ACVR2B: variants seen among roughly 807,000 people sequenced by gnomAD.
ACVR2B encodes the protein activin receptor type-2B.
Under a neutral mutation model 65.1 loss-of-function variants are expected in ACVR2B, and 18 were observed. That is an observed-to-expected ratio of 0.28 (90% CI 0.19 to 0.41). The LOEUF is 0.41. ACVR2B is among the 10% of genes least tolerant of loss of function. ACVR2B has a pLI of 1.00. For synonymous variants in ACVR2B, 298 were observed against 277.7 expected (o/e 1.07, Z -0.73); for missense variants, 482 against 682.7 (o/e 0.71, Z 3.28).
rs1173225884 is a variant in ACVR2B, at chr3:38,489,082, T to C, written c.*5750T>C. On this transcript the variant is annotated 3_prime_UTR_variant, in exon 11 of 11. Transcript: ENST00000352511. ...TCAGGCAGGTGAGGATGGGTCTTCT[T>C]GCAAATGCATGAGTTCTGTCTTGAG... 1.3e-5 allele frequency: 2 copies of C among 152,444 alleles called. No individual in the cohort carries two copies. The highest frequency in any genetic ancestry group is 2.9e-5 in the Non-Finnish European group (2 of 68,046). 9.4% of individuals were successfully genotyped at this position (152,444 alleles called of 1,614,324 possible).
chr3:38,476,387 A>G (rs1356090378), intron 1 of ACVR2B: 2 of 152,062 alleles, frequency 1.3e-5, no homozygotes, highest in Admixed American at 6.6e-5. Flanking sequence ...TAGCCAGGAG[A>G]ATGATCTGTG....
At chr3:38,455,566 C>T (rs530608148) in intron 1 of ACVR2B, among the ~76,000 whole-genome samples, 15 of 151,824 alleles carry the variant, frequency 9.9e-5, no homozygotes, top group African/African-American at 3.6e-4. Flanking sequence ...GTTCTACCTT[C>T]TCCTGTGCGT....
At position 38,486,413 on chromosome 3, in the gene ACVR2B, G is replaced by A. The variant is rs939223555; in HGVS notation, c.*3081G>A. 5 of 152,270 alleles carry A rather than the reference G, an allele frequency of 3.3e-5. No homozygotes were observed. The highest frequency in any genetic ancestry group is 1.2e-4 in the African/African-American group (5 of 41,432). 9.4% of individuals were successfully genotyped at this position (152,270 alleles called of 1,614,324 possible). Reference sequence around the variant, plus strand: ...GGAGCACAGATGGGCCTTTTGCCCCGGGTAAATGCTTGTCTGTTTGCTGTC... The same window carrying A: ...GGAGCACAGATGGGCCTTTTGCCCCAGGTAAATGCTTGTCTGTTTGCTGTC... On this transcript the variant is annotated 3_prime_UTR_variant, in exon 11 of 11. Coordinates refer to ENST00000352511, the MANE Select transcript of ACVR2B (RefSeq NM_001106.4).
In ACVR2B at chr3:38,491,414, T is replaced by C. The variant is rs2059809287; in HGVS notation, c.*8082T>C. 1 of 152,684 alleles carries C rather than the reference T, an allele frequency of 6.5e-6. No homozygotes were observed. The highest frequency in any genetic ancestry group is 2.4e-5 in the African/African-American group (1 of 41,448). 9.5% of individuals were successfully genotyped at this position (152,684 alleles called of 1,614,324 possible). ...CCCAGTGAGGGTCCCAAGTCAGTCA[T>C]CTTAAGTGTTTGTTCTCTGCCCCAT... On this transcript the variant is annotated 3_prime_UTR_variant, in exon 11 of 11. Transcript: ENST00000352511.
rs1559659608 is a variant in ACVR2B, at chr3:38,487,446, C to T, written c.*4114C>T. ...TGTAGTTGGGCTCTGTCACCTTTCT[C>T]TTCAGTTGGCCACATTCTCGTTTCC... On this transcript the variant is annotated 3_prime_UTR_variant, in exon 11 of 11. Coordinates refer to ENST00000352511, the MANE Select transcript of ACVR2B (RefSeq NM_001106.4). 1.3e-5 allele frequency: 2 copies of T among 152,332 alleles called. No homozygotes were observed. The highest frequency in any genetic ancestry group is 1.3e-4 in the Admixed American group (2 of 15,286). The allele number at this position is 152,332 out of a possible 1,614,324, so 9.4% of individuals were successfully genotyped here.
chr3:38,465,986 C>T (rs1450925416), intron 1 of ACVR2B, among the ~76,000 whole-genome samples: 1 of 152,126 alleles, frequency 6.6e-6, no homozygotes, highest in South Asian at 2.1e-4. Flanking sequence ...CAGTGGAAGC[C>T]AGAAGATAAT....
At chr3:38,474,504 T>C (rs1319232958) in intron 1 of ACVR2B, 1 of 152,252 alleles carries the variant, frequency 6.6e-6, no homozygotes, top group Non-Finnish European at 1.5e-5. Flanking sequence ...CACCCATCCA[T>C]CTATGATGTG....
Position 38,477,624 on chromosome 3 carries a change from T to C in ACVR2B, c.260+130T>C. On this transcript the variant is annotated intron_variant, in intron 2 of 10. Coordinates refer to ENST00000352511, the MANE Select transcript of ACVR2B (RefSeq NM_001106.4). This position sits in a 1 kb window ranked among gnomAD's most constrained non-coding sequence, Gnocchi z 6.7. ...GAAGGGGCTCTTGAGATGGTAGCCA[T>C]GGCCCCACGCCCTTCCACACCCTAT... 2.5e-6 allele frequency: 3 copies of C among 1,193,452 alleles called. No homozygotes were observed. Among genetic ancestry groups the C allele is most frequent in the Non-Finnish European group, 3.7e-6 (3 of 821,228 alleles). 73.9% of individuals were successfully genotyped at this position (1,193,452 alleles called of 1,614,324 possible).
intron 1 of ACVR2B, chr3:38,459,524 G>C (rs1709605845): frequency 3.1e-6 from 3 of 954,118 alleles, no homozygotes; most frequent in Non-Finnish European, 3.7e-6. Flanking sequence ...CAGGAGCTAA[G>C]GCTAGCCCTG....
chr3:38,479,540 C>A, intron 6 of ACVR2B, 138 bp from the exon 7 acceptor site: 1 of 1,133,446 alleles, frequency 8.8e-7, no homozygotes, highest in Non-Finnish European at 1.3e-6. Flanking sequence ...TGGCCTCATC[C>A]ATCTTCCATA....
At chr3:38,459,877 G>C (rs1709613228) in intron 1 of ACVR2B, among the ~76,000 whole-genome samples, 1 of 152,160 alleles carries the variant, frequency 6.6e-6, no homozygotes, top group African/African-American at 2.4e-5. Flanking sequence ...CAGGCTGGCA[G>C]CCCCCTGTGG....
At chr3:38,474,408 G>C (rs1034675603) in intron 1 of ACVR2B, 1 of 152,418 alleles carries the variant, frequency 6.6e-6, no homozygotes, top group African/African-American at 2.4e-5. Flanking sequence ...GGCTTGGGCT[G>C]CAGGCTGAGG....
rs1559657029 is a variant in ACVR2B at position 38,483,929 on chromosome 3, A to G, written c.*597A>G. 6.5e-6 allele frequency: 1 copy of G among 153,304 alleles called. No homozygotes were observed. The highest frequency in any genetic ancestry group is 1.9e-4 in the East Asian group (1 of 5,212). The allele number at this position is 153,304 out of a possible 1,614,324, so 9.5% of individuals were successfully genotyped here. A position where few individuals can be genotyped will look rare whatever the true frequency, so the allele number is the denominator to read the frequency against. ...CTAACGGGTGTTGTCCTGATCGAGA[A>G]AAAAACTGGGATGAGAATGGTTTGG... On this transcript the variant is annotated 3_prime_UTR_variant, in exon 11 of 11. Coordinates refer to ENST00000352511, the MANE Select transcript of ACVR2B (RefSeq NM_001106.4). This position sits in a 1 kb window ranked among gnomAD's most constrained non-coding sequence, Gnocchi z 4.8.
At chr3:38,465,571 A>T (rs1024785819) in intron 1 of ACVR2B, among the ~76,000 whole-genome samples, 1 of 152,168 alleles carries the variant, frequency 6.6e-6, no homozygotes, top group African/African-American at 2.4e-5. Context: ...GATTAGGTGA[A>T]ACTGTATAGA....
rs200886616 is a variant in ACVR2B, at chr3:38,477,535, G to A, written c.260+41G>A. ...CCCTCCTTTCCTCTTGGACCCACCTGCGCTTATACTGCCCACTGGGCCATT... is the reference window on the plus strand; with the variant it reads ...CCCTCCTTTCCTCTTGGACCCACCTACGCTTATACTGCCCACTGGGCCATT... On this transcript the variant is annotated intron_variant, in intron 2 of 10. Transcript: ENST00000352511. The surrounding 1 kb of genome is among the most constrained non-coding windows in gnomAD (Gnocchi z 6.7). The A allele has an allele frequency of 1.3e-6, 2 of 1,597,758 alleles. No homozygotes were observed. The highest frequency in any genetic ancestry group is 1.7e-5 in the Admixed American group (1 of 58,004).
rs1161427381 is a variant in ACVR2B, at chr3:38,489,258, C to T, written c.*5926C>T. 2 of 152,576 alleles carry T rather than the reference C, an allele frequency of 1.3e-5. No homozygotes were observed. The highest frequency in any genetic ancestry group is 4.8e-5 in the African/African-American group (2 of 41,414). The allele number at this position is 152,576 out of a possible 1,614,324, so 9.5% of individuals were successfully genotyped here. A position where few individuals can be genotyped will look rare whatever the true frequency, so the allele number is the denominator to read the frequency against. ...CTTTACTTTAAAAAAATCGATAGTT[C>T]TACATATATATTTAGTTATATCACT... is the stretch of plus-strand genomic sequence containing the variant. On this transcript the variant is annotated 3_prime_UTR_variant, in exon 11 of 11. Coordinates refer to ENST00000352511, the MANE Select transcript of ACVR2B (RefSeq NM_001106.4).
intron 1 of ACVR2B, among the ~76,000 whole-genome samples, chr3:38,471,558 A>G (rs1226010209): frequency 6.6e-6 from 1 of 152,210 alleles, no homozygotes; most frequent in Non-Finnish European, 1.5e-5. Context: ...CATTGCTGAG[A>G]TCAACAAACA....
In ACVR2B at chr3:38,483,276, T is replaced by C; in HGVS notation, c.1483T>C (p.Ser495Pro). The C allele has an allele frequency of 1.2e-6, 2 of 1,614,026 alleles. No individual in the cohort carries two copies. The highest frequency in any genetic ancestry group is 2.2e-5 in the South Asian group (2 of 91,070). ...VNGTTSDCLV[S>P]LVTSVTNVDL... ...CGGCACTACCTCGGACTGTCTCGTT[T>C]CCCTGGTGACCTCTGTCACCAATGT... Residue 495 changes from serine (S) to proline (P), a missense_variant, in exon 11 of 11, where the codon TCC (serine) becomes CCC (proline). Physicochemically the swap from Ser to Pro is moderately conservative, Grantham distance 74. This residue lies in a region of ACVR2B where 38 missense variants were observed against 29.3 expected (regional missense o/e 1.30). Coordinates refer to ENST00000352511, the MANE Select transcript of ACVR2B (RefSeq NM_001106.4). The surrounding 1 kb of genome is among the most constrained non-coding windows in gnomAD (Gnocchi z 4.8).
intron 10 of ACVR2B, among the ~76,000 whole-genome samples, 171 bp downstream of exon 10, chr3:38,482,731 C>T (rs577550946): frequency 6.6e-6 from 1 of 152,212 alleles, no homozygotes; most frequent in East Asian, 1.9e-4. Context: ...GGATGATGTC[C>T]TTCTCCTGAT....
Sources: gnomAD v4.1 joint callset for allele counts (sites outside exome capture counted in the v4.1 genomes callset) on GRCh38, gnomAD v4.1.1 for gene constraint, gnomAD v4.1.1 regional missense constraint, Gnocchi (gnomAD v3.1) non-coding constraint, MANE v1.5 for transcripts, NCBI Gene and HGNC (gene_info 2026-07-23, HGNC 2026-07-21) for gene names.